The following CSMD1 variants were observed in gnomAD, a reference collection of about 807,000 sequenced individuals.
CSMD1 encodes CUB and Sushi multiple domains 1.
Under a neutral mutation model 417.5 loss-of-function variants are expected in CSMD1, and 213 were observed. The observed-to-expected ratio is 0.51, with a 90% CI of 0.46 to 0.57. CSMD1 has a LOEUF of 0.57. Among genes scored for constraint, CSMD1 ranks in the 20% least tolerant of loss-of-function variants. CSMD1 has a pLI of 0.00. For synonymous variants in CSMD1, 2,862 were observed against 1,736.8 expected, an observed-to-expected ratio of 1.65 and a Z score of -16.11; for missense variants, 6,923 against 4,529.7, an observed-to-expected ratio of 1.53 and a Z score of -15.17.
rs564426277 is a variant in CSMD1, at chr8:4,230,821, TCA to T, written c.415+189130_415+189131del. Among the ~76,000 whole-genome samples the T allele has an allele frequency of 9.2e-5, 14 of 152,324 alleles. No individual in the cohort carries two copies. In the South Asian group the frequency reaches 2.9e-3, roughly 32 times the overall value. On this transcript the variant is annotated intron_variant, in intron 3 of 69. Coordinates refer to ENST00000635120, the MANE Select transcript of CSMD1 (RefSeq NM_033225.6). ...TCATACTTCAGCAGCTTTTGCAGTG[TCA>T]CAATGTATTTTTTGTGGTTAGGAAC...
intron 6 of CSMD1, among the ~76,000 whole-genome samples, chr8:3,740,269 C>T (rs772621548): frequency 1.8e-4 from 28 of 152,058 alleles, no homozygotes; most frequent in South Asian, 2.1e-4. Context: ...ACATGCCCAG[C>T]GAATTTTTCT....
At chr8:3,998,962 G>T (rs899011934) in intron 4 of CSMD1, among the ~76,000 whole-genome samples, 3 of 146,230 alleles carry the variant, frequency 2.1e-5, no homozygotes, top group South Asian at 2.2e-4. Context: ...CTATATGGTA[G>T]TTTATATATA....
intron 26 of CSMD1, among the ~76,000 whole-genome samples, chr8:3,271,025 C>T (rs1483434528): frequency 1.3e-5 from 2 of 151,428 alleles, no homozygotes; most frequent in Non-Finnish European, 2.9e-5. Context: ...TGCGCTGCAC[C>T]CACTAACTTG....
intron 3 of CSMD1, among the ~76,000 whole-genome samples, chr8:4,267,649 G>C (rs1027785368): frequency 1.3e-5 from 2 of 151,994 alleles, no homozygotes; most frequent in South Asian, 4.2e-4. Flanking sequence ...ACATATCTTT[G>C]CATACTTCGT....
chr8:3,694,300 C>T (rs1332278757), intron 7 of CSMD1, among the ~76,000 whole-genome samples: 5 of 151,990 alleles, frequency 3.3e-5, no homozygotes, highest in East Asian at 1.9e-4. Context: ...TCCTAGACGT[C>T]GGCTTCCAGG....
chr8:4,160,945 C>T (rs1405673802), intron 3 of CSMD1, among the ~76,000 whole-genome samples: 1 of 152,140 alleles, frequency 6.6e-6, no homozygotes, highest in Non-Finnish European at 1.5e-5. Context: ...CATACCTCAT[C>T]AGATGTATTT....
At chr8:4,079,900 T>C (rs1022306913) in intron 3 of CSMD1, among the ~76,000 whole-genome samples, 2 of 152,180 alleles carry the variant, frequency 1.3e-5, no homozygotes, top group East Asian at 1.9e-4. Context: ...AGAAGGGCCA[T>C]ATTCTTGCCT....
chr8:4,444,445 A>G (rs893309060), intron 2 of CSMD1, among the ~76,000 whole-genome samples: 1 of 151,406 alleles, frequency 6.6e-6, no homozygotes, highest in African/African-American at 2.4e-5. Context: ...GATCAACAGC[A>G]TGTGAGAAAA....
chr8:3,197,236 C>G (rs933518407), intron 33 of CSMD1, among the ~76,000 whole-genome samples: 1 of 144,452 alleles, frequency 6.9e-6, no homozygotes, highest in Non-Finnish European at 1.5e-5. Flanking sequence ...TGTCTGGAGT[C>G]ACACGTTTTT....
chr8:3,574,941 T>A lies in CSMD1; in HGVS notation c.1344+4A>T. The A allele has an allele frequency of 1.2e-6, 2 of 1,611,974 alleles. No homozygotes were observed. Among genetic ancestry groups the A allele is most frequent in the Non-Finnish European group, 1.7e-6 (2 of 1,179,576 alleles). ...AACCACAGGGGTTGGAGGCGGAGCC[T>A]TACCTTGTCCGGGTCGGTGGTGGTG... is the stretch of plus-strand genomic sequence containing the variant. On this transcript the variant is annotated splice_donor_region_variant and intron_variant, in intron 10 of 69. Coordinates refer to ENST00000635120, the MANE Select transcript of CSMD1 (RefSeq NM_033225.6).
At chr8:4,892,529 T>C (rs1362280525) in intron 1 of CSMD1, among the ~76,000 whole-genome samples, 1 of 152,136 alleles carries the variant, frequency 6.6e-6, no homozygotes, top group Non-Finnish European at 1.5e-5. Flanking sequence ...CTAATAAGGG[T>C]AATATTACTT....
chr8:4,036,513 G>C (rs1354529189), intron 3 of CSMD1, among the ~76,000 whole-genome samples: 2 of 152,152 alleles, frequency 1.3e-5, no homozygotes, highest in Non-Finnish European at 2.9e-5. Flanking sequence ...ACTTCCAAGA[G>C]ACAGCTACTA....
chr8:3,630,563 G>T (rs1024497160), intron 7 of CSMD1, among the ~76,000 whole-genome samples: 3 of 152,212 alleles, frequency 2.0e-5, no homozygotes, highest in Non-Finnish European at 4.4e-5. Flanking sequence ...ATTAGAGGAA[G>T]AAGGAGAGGA....
At position 3,776,807 on chromosome 8, in the gene CSMD1, G is replaced by GATATATAGATATATATATAT. The variant is rs1371493777; in HGVS notation, c.819-22766_819-22765insATATATATATATCTATATAT. On this transcript the variant is annotated intron_variant, in intron 5 of 69. Transcript: ENST00000635120. Reference sequence around the variant, plus strand: ...GTGATAGATAGTGACATATAGACGAGATATATATATATATATACAGATGAC... The same window carrying GATATATAGATATATATATAT: ...GTGATAGATAGTGACATATAGACGAGATATATAGATATATATATATATATATATATATATATACAGATGAC... Among the ~76,000 whole-genome samples, 105 of 139,990 alleles carry GATATATAGATATATATATAT rather than the reference G, an allele frequency of 7.5e-4. 4 individuals are homozygous for GATATATAGATATATATATAT. Among genetic ancestry groups the GATATATAGATATATATATAT allele is most frequent in the African/African-American group, 2.8e-3 (100 of 35,098 alleles). 91.8% of individuals were successfully genotyped at this position (139,990 alleles called of 152,430 possible).
chr8:4,613,227 T>C (rs1374155130), intron 2 of CSMD1, among the ~76,000 whole-genome samples: 3 of 152,284 alleles, frequency 2.0e-5, no homozygotes, highest in African/African-American at 7.2e-5. Flanking sequence ...TTGTTGAGTG[T>C]GTACAAATTG....
chr8:3,900,285 A>G (rs1410943054), intron 5 of CSMD1, among the ~76,000 whole-genome samples: 1 of 151,702 alleles, frequency 6.6e-6, no homozygotes. Context: ...GTGACAGTGC[A>G]GCTGCGTGAC....
At chr8:4,804,511 A>C (rs1446299536) in intron 1 of CSMD1, among the ~76,000 whole-genome samples, 2 of 151,330 alleles carry the variant, frequency 1.3e-5, no homozygotes, top group Non-Finnish European at 2.9e-5. Context: ...TATTACCACC[A>C]GACAAAAGAA....
chr8:4,946,870 G>A (rs888171259), intron 1 of CSMD1, among the ~76,000 whole-genome samples: 1 of 151,978 alleles, frequency 6.6e-6, no homozygotes, highest in African/African-American at 2.4e-5. Flanking sequence ...TTAAATCATA[G>A]CCATGATTTA....
At chr8:4,017,133 T>G (rs968572518) in intron 4 of CSMD1, among the ~76,000 whole-genome samples, 1 of 152,224 alleles carries the variant, frequency 6.6e-6, no homozygotes, top group Non-Finnish European at 1.5e-5. Context: ...CTCCATGCAA[T>G]TGTACATATC....
Sources: allele counts gnomAD v4.1 joint callset (sites outside exome capture counted in the v4.1 genomes callset), GRCh38; gene constraint gnomAD v4.1.1; transcripts MANE v1.5; gene names NCBI Gene and HGNC (gene_info 2026-07-23, HGNC 2026-07-21).